NPAS2: variants seen among roughly 807,000 people sequenced by gnomAD.
NPAS2 encodes neuronal PAS domain protein 2.
A neutral mutation model predicts 107.5 loss-of-function variants in NPAS2; 23 were observed. The ratio of observed to expected loss-of-function variants is 0.21; its 90% CI spans 0.15 to 0.30. NPAS2 has a LOEUF of 0.30. Among genes scored for constraint, NPAS2 ranks in the 10% least tolerant of loss-of-function variants. The pLI is 1.00. For missense variants in NPAS2, 756 were observed against 1,043.3 expected (o/e 0.72, Z 3.79); for synonymous variants, 403 against 417.5 (o/e 0.97, Z 0.42).
intron 1 of NPAS2, among the ~76,000 whole-genome samples, chr2:100,866,766 A>G (rs1044623332): frequency 6.6e-6 from 1 of 152,202 alleles, no homozygotes. Flanking sequence ...CATTTTACTG[A>G]CATTCTATCC....
intron 7 of NPAS2, among the ~76,000 whole-genome samples, 166 bp from the exon 8 acceptor site, chr2:100,963,892 G>T (rs1321142534): frequency 6.6e-6 from 1 of 152,168 alleles, no homozygotes; most frequent in African/African-American, 2.4e-5. Context: ...TTTGCAATGG[G>T]AATAATAGTT....
intron 16 of NPAS2, chr2:100,983,401 C>T (rs1225962219): frequency 6.6e-6 from 1 of 152,358 alleles, no homozygotes; most frequent in Admixed American, 6.5e-5. Flanking sequence ...GGGAGATGCT[C>T]ATTTGGCCAT....
intron 2 of NPAS2, among the ~76,000 whole-genome samples, chr2:100,917,612 G>A (rs1682969582): frequency 6.6e-6 from 1 of 152,076 alleles, no homozygotes; most frequent in Non-Finnish European, 1.5e-5. Context: ...TCAATAGCAG[G>A]AATAAGAAGG....
intron 2 of NPAS2, among the ~76,000 whole-genome samples, chr2:100,920,078 A>G (rs1683127661): frequency 6.6e-6 from 1 of 151,772 alleles, no homozygotes; most frequent in African/African-American, 2.4e-5. Context: ...TAGAACAAAT[A>G]CTCTTCCTGT....
At chr2:100,925,107 G>T (rs201699146) in intron 2 of NPAS2, 39 bp from the exon 3 acceptor site, 3 of 1,577,402 alleles carry the variant, frequency 1.9e-6, no homozygotes, top group Non-Finnish European at 2.6e-6. Flanking sequence ...CCTTTGTGAC[G>T]TGGAATGTTC....
At chr2:100,885,287 C>G (rs999285269) in intron 1 of NPAS2, among the ~76,000 whole-genome samples, 11 of 152,164 alleles carry the variant, frequency 7.2e-5, no homozygotes, top group Non-Finnish European at 1.2e-4. Context: ...GAATGAATTG[C>G]AATGAATATG....
At chr2:100,934,093 C>G (rs957423041) in intron 4 of NPAS2, 3 of 152,182 alleles carry the variant, frequency 2.0e-5, no homozygotes, top group African/African-American at 7.2e-5. Flanking sequence ...ATGAAAGATA[C>G]TTAAATCTAC....
chr2:100,850,821 T>C (rs757319649), intron 1 of NPAS2, among the ~76,000 whole-genome samples: 3 of 151,434 alleles, frequency 2.0e-5, no homozygotes, highest in Non-Finnish European at 4.4e-5. Flanking sequence ...GGCATGGTGG[T>C]GGGTGCCTGT....
At chr2:100,974,382 TG>T (rs1676821566) in intron 12 of NPAS2, among the ~76,000 whole-genome samples, 1 of 152,156 alleles carries the variant, frequency 6.6e-6, no homozygotes, top group Non-Finnish European at 1.5e-5. Flanking sequence ...GGAGAAAGCC[TG>T]GGAAGGACCC....
At chr2:100,822,980 C>G (rs544147365) in intron 1 of NPAS2, among the ~76,000 whole-genome samples, 1 of 152,188 alleles carries the variant, frequency 6.6e-6, no homozygotes, top group South Asian at 2.1e-4. Context: ...TGTTCCTGAT[C>G]CTCGTTCTAT....
chr2:100,955,538 C>T (rs1573714574), intron 7 of NPAS2, among the ~76,000 whole-genome samples: 1 of 152,302 alleles, frequency 6.6e-6, no homozygotes, highest in South Asian at 2.1e-4. Context: ...CCACAATACA[C>T]TCTGGGGATA....
intron 2 of NPAS2, among the ~76,000 whole-genome samples, chr2:100,915,180 T>C (rs184660668): frequency 4.6e-4 from 68 of 146,756 alleles, no homozygotes; most frequent in African/African-American, 1.6e-3. Context: ...CATGAAACCT[T>C]TTATGCAGAG....
intron 1 of NPAS2, among the ~76,000 whole-genome samples, chr2:100,834,587 T>G (rs1213519391): frequency 6.6e-6 from 1 of 152,226 alleles, no homozygotes; most frequent in Non-Finnish European, 1.5e-5. Flanking sequence ...GTGCTTCTCA[T>G]GTATGCCAGG....
At chr2:100,974,085 G>A (rs1454584104) in intron 12 of NPAS2, among the ~76,000 whole-genome samples, 4 of 151,940 alleles carry the variant, frequency 2.6e-5, no homozygotes, top group Non-Finnish European at 5.9e-5. Context: ...CAAATGATCC[G>A]CCTGCCTCAG....
intron 1 of NPAS2, among the ~76,000 whole-genome samples, chr2:100,855,284 G>A (rs895123212): frequency 1.3e-5 from 2 of 152,112 alleles, no homozygotes; most frequent in Non-Finnish European, 2.9e-5. Context: ...TGAGTGTTGG[G>A]GGTTTCAGTG....
rs185909512 is a variant in NPAS2 at position 100,887,069 on chromosome 2, G to A, written c.-22-17664G>A. ...TAACTGCATTTGAACAGATTCCTTT[G>A]CTTCCTCGTTGGCCTGGGCTGCAAG... On this transcript the variant is annotated intron_variant, in intron 1 of 20. Coordinates refer to ENST00000335681, the MANE Select transcript of NPAS2 (RefSeq NM_002518.4). Among the ~76,000 whole-genome samples the A allele has an allele frequency of 7.2e-5, 11 of 152,314 alleles. 2 individuals carry two copies. The highest frequency in any genetic ancestry group is 2.4e-4 in the African/African-American group (10 of 41,580).
At chr2:100,920,563 G>C (rs56317464) in intron 2 of NPAS2, among the ~76,000 whole-genome samples, 3,270 of 152,102 alleles carry the variant, frequency 0.021, 101 homozygotes, top group African/African-American at 0.064. Context: ...AGACTAGTTG[G>C]GCTATGTGGC....
intron 2 of NPAS2, among the ~76,000 whole-genome samples, chr2:100,923,408 G>C (rs1265018425): frequency 6.6e-6 from 1 of 152,218 alleles, no homozygotes; most frequent in Non-Finnish European, 1.5e-5. Flanking sequence ...AAGGCAGGTT[G>C]TGTGCAATTA....
chr2:100,827,607 T>C (rs1217954613), intron 1 of NPAS2, among the ~76,000 whole-genome samples: 1 of 152,204 alleles, frequency 6.6e-6, no homozygotes. Context: ...ACCCAATGTT[T>C]AGCTACCACT....
Sources: allele counts gnomAD v4.1 joint callset (sites outside exome capture counted in the v4.1 genomes callset), GRCh38; gene constraint gnomAD v4.1.1; transcripts MANE v1.5; gene names NCBI Gene and HGNC (gene_info 2026-07-23, HGNC 2026-07-21).